The following INTS9 variants were observed in gnomAD, a reference collection of about 807,000 sequenced individuals.
INTS9 encodes the protein integrator complex subunit 9.
Under a neutral mutation model 79.7 loss-of-function variants are expected in INTS9, and 55 were observed. The ratio of observed to expected loss-of-function variants is 0.69; its 90% CI spans 0.56 to 0.86. The LOEUF is 0.86. Ranked by LOEUF, INTS9 falls within the 40% of genes least tolerant of loss-of-function variation. The pLI, the probability that INTS9 is intolerant of heterozygous loss-of-function variation, is 0.00. For missense variants in INTS9, 721 were observed against 831.5 expected (o/e 0.87, Z 1.64); for synonymous variants, 319 against 325.2 (o/e 0.98, Z 0.20).
intron 8 of INTS9, among the ~76,000 whole-genome samples, chr8:28,800,139 C>T (rs1310582502): frequency 1.3e-5 from 2 of 152,230 alleles, no homozygotes; most frequent in Non-Finnish European, 2.9e-5. Flanking sequence ...AAGGCAAGAA[C>T]TTTGTTTCCC....
chr8:28,837,523 T>G, intron 5 of INTS9, 114 bp downstream of exon 5: 18 of 1,117,034 alleles, frequency 1.6e-5, no homozygotes, highest in Admixed American at 2.7e-5. Flanking sequence ...GTTCTTTGGG[T>G]TAGTTGTTCA....
intron 8 of INTS9, among the ~76,000 whole-genome samples, chr8:28,804,106 T>C (rs1427049334): frequency 6.6e-6 from 1 of 152,098 alleles, no homozygotes; most frequent in African/African-American, 2.4e-5. Context: ...TGATTTTTTG[T>C]AGAGACGGGG....
At chr8:28,800,422 G>A (rs1804455162) in intron 8 of INTS9, among the ~76,000 whole-genome samples, 1 of 152,128 alleles carries the variant, frequency 6.6e-6, no homozygotes, top group East Asian at 1.9e-4. Flanking sequence ...TAAAGAGAGT[G>A]CAATTGGTAA....
intron 11 of INTS9, among the ~76,000 whole-genome samples, chr8:28,782,342 G>A (rs1803320556): frequency 6.6e-6 from 1 of 152,240 alleles, no homozygotes; most frequent in Non-Finnish European, 1.5e-5. Context: ...CCTGGTGACA[G>A]TAACCACATT....
chr8:28,837,855 G>A, intron 4 of INTS9, 79 bp from the exon 5 acceptor site: 1 of 1,369,904 alleles, frequency 7.3e-7, no homozygotes, highest in Non-Finnish European at 1.0e-6. Context: ...GACGTTGTCA[G>A]AATGCAGAGA....
At chr8:28,774,883 G>A (rs996698039) in intron 14 of INTS9, among the ~76,000 whole-genome samples, 7 of 152,108 alleles carry the variant, frequency 4.6e-5, no homozygotes, top group Admixed American at 1.3e-4. Flanking sequence ...TGGCCCAAGC[G>A]CAGCATGCCA....
intron 1 of INTS9, among the ~76,000 whole-genome samples, chr8:28,881,025 G>A (rs554510481): frequency 2.0e-5 from 3 of 148,816 alleles, no homozygotes; most frequent in South Asian, 2.2e-4. Context: ...CCTGGCAACC[G>A]CCCCGTCTGA....
At chr8:28,787,008 A>C (rs904537751) in intron 11 of INTS9, among the ~76,000 whole-genome samples, 34 of 152,304 alleles carry the variant, frequency 2.2e-4, no homozygotes, top group East Asian at 1.9e-3. Flanking sequence ...TGAGCCACCG[A>C]GCCCAGCCAA....
At chr8:28,879,071 C>T (rs1215094691) in intron 1 of INTS9, among the ~76,000 whole-genome samples, 1 of 152,066 alleles carries the variant, frequency 6.6e-6, no homozygotes, top group Non-Finnish European at 1.5e-5. Flanking sequence ...AAACATTTTC[C>T]AACGCATTCT....
At chr8:28,793,779 C>CACAAAA in intron 10 of INTS9, 28 bp downstream of exon 10, 1 of 1,188,014 alleles carries the variant, frequency 8.4e-7, no homozygotes, top group African/African-American at 1.7e-5. Flanking sequence ...ATAAAATTCA[C>CACAAAA]AAAAAAAAAA....
At chr8:28,779,610 C>T (rs772619854) in intron 12 of INTS9, among the ~76,000 whole-genome samples, 2 of 152,176 alleles carry the variant, frequency 1.3e-5, no homozygotes, top group Non-Finnish European at 2.9e-5. Flanking sequence ...AATGACCCTG[C>T]ATCCTGACGC....
At chr8:28,862,226 C>T (rs1808501358) in intron 1 of INTS9, 1 of 984,158 alleles carries the variant, frequency 1.0e-6, no homozygotes, top group Non-Finnish European at 1.2e-6. Flanking sequence ...AGGCACAAAA[C>T]CAGTAAGTAA....
intron 1 of INTS9, among the ~76,000 whole-genome samples, chr8:28,872,425 T>C (rs1314447170): frequency 6.6e-6 from 1 of 152,176 alleles, no homozygotes; most frequent in Non-Finnish European, 1.5e-5. Flanking sequence ...ATTAACTATA[T>C]GTCTCTTCTC....
intron 11 of INTS9, among the ~76,000 whole-genome samples, chr8:28,786,284 A>ATT (rs778149304): frequency 7.0e-6 from 1 of 143,386 alleles, no homozygotes; most frequent in Non-Finnish European, 1.5e-5. Context: ...AAAATTTTAG[A>ATT]TTTTTTTTTT....
chr8:28,796,862 T>C (rs1334939914), intron 8 of INTS9: 2 of 500,632 alleles, frequency 4.0e-6, no homozygotes, highest in Non-Finnish European at 7.2e-6. Flanking sequence ...GGGAGCTTTA[T>C]AAGGGATGAA....
At chr8:28,847,394 T>C (rs1218497184) in intron 3 of INTS9, among the ~76,000 whole-genome samples, 1 of 151,450 alleles carries the variant, frequency 6.6e-6, no homozygotes. Context: ...GGATTCAACA[T>C]CTACCACCAC....
At chr8:28,835,544 T>C (rs1806763173) in intron 5 of INTS9, among the ~76,000 whole-genome samples, 166 bp from the exon 6 acceptor site, 1 of 152,214 alleles carries the variant, frequency 6.6e-6, no homozygotes, top group African/African-American at 2.4e-5. Context: ...TGATATAAAG[T>C]TAAACAAAAT....
chr8:28,848,529 A>G (rs888711127), intron 3 of INTS9, among the ~76,000 whole-genome samples: 27 of 152,198 alleles, frequency 1.8e-4, no homozygotes, highest in African/African-American at 6.5e-4. Context: ...AGGAGACTGA[A>G]CACAGTTCTT....
At chr8:28,809,746 A>G (rs754141196) in intron 8 of INTS9, among the ~76,000 whole-genome samples, 9 of 152,218 alleles carry the variant, frequency 5.9e-5, no homozygotes, top group Non-Finnish European at 1.3e-4. Flanking sequence ...TTTTGATTCA[A>G]TGAAGCAGAT....
Sources: gnomAD v4.1 joint callset for allele counts (sites outside exome capture counted in the v4.1 genomes callset) on GRCh38, gnomAD v4.1.1 for gene constraint, MANE v1.5 for transcripts, NCBI Gene and HGNC (gene_info 2026-07-23, HGNC 2026-07-21) for gene names.